The following DMD variants were observed in gnomAD, a reference collection of about 807,000 sequenced individuals.
DMD encodes dystrophin.
Under a neutral mutation model 330.1 loss-of-function variants are expected in DMD, and 63 were observed. The observed-to-expected ratio is 0.19, with a 90% CI of 0.16 to 0.24. The LOEUF (loss-of-function observed/expected upper bound fraction) is 0.24. Among genes scored for constraint, DMD ranks in the 10% least tolerant of loss-of-function variants. The pLI is 1.00. For missense variants in DMD, 3,344 were observed against 2,684.1 expected, an observed-to-expected ratio of 1.25 and a Z score of -5.43; for synonymous variants, 1,223 against 959.8, an observed-to-expected ratio of 1.27 and a Z score of -5.07.
At chrX:33,187,961 T>C (rs2050341893) in intron 1 of DMD, among the ~76,000 whole-genome samples, 2 of 111,641 alleles carry the variant, frequency 1.8e-5, no homozygotes, top group Admixed American at 9.6e-5. Context: ...TACTACATGG[T>C]CCTCTTATAC....
At chrX:32,075,030 A>G (rs1417575107) in intron 44 of DMD, among the ~76,000 whole-genome samples, 1 of 112,022 alleles carries the variant, frequency 8.9e-6, no homozygotes, top group East Asian at 2.8e-4. Flanking sequence ...TTAAGAGGAC[A>G]TTTGAATCGA....
intron 74 of DMD, among the ~76,000 whole-genome samples, chrX:31,149,033 T>G (rs373343974): frequency 8.9e-6 from 1 of 112,447 alleles, no homozygotes; most frequent in East Asian, 2.8e-4. Context: ...GTATGTTCTC[T>G]GCTTTTTATG....
chrX:32,109,243 A>ATT (rs750992132), intron 44 of DMD, among the ~76,000 whole-genome samples: 2 of 107,811 alleles, frequency 1.9e-5, no homozygotes, highest in African/African-American at 6.7e-5. Flanking sequence ...CTACAATACA[A>ATT]TTTTTTTTTT....
chrX:32,311,557 TA>T (rs2097562617), intron 41 of DMD, among the ~76,000 whole-genome samples: 1 of 111,789 alleles, frequency 8.9e-6, no homozygotes, highest in Admixed American at 9.5e-5. Context: ...AATTAGCTAT[TA>T]AATAATTATA....
rs2097067706 is a variant in DMD at position 32,206,110 on chromosome X, C to T, written c.6438+10806G>A. 1.4e-5 allele frequency: 7 copies of T among 518,317 alleles called. No individual in the cohort carries two copies. In the East Asian group the frequency reaches 2.5e-4, roughly 18 times the overall value. The allele number at this position is 518,317 out of a possible 1,213,427, so 42.7% of individuals were successfully genotyped here. A position where few individuals can be genotyped will look rare whatever the true frequency, so the allele number is the denominator to read the frequency against. On this transcript the variant is annotated intron_variant, in intron 44 of 78. Transcript: ENST00000357033. ...TACAAAGGCAGTCCAATTAAAGTAA[C>T]ACTGGCAGCTTTGAAAATGTCTGTA...
At chrX:31,582,322 A>G (rs977543772) in intron 55 of DMD, among the ~76,000 whole-genome samples, 1 of 111,420 alleles carries the variant, frequency 9.0e-6, no homozygotes, top group Admixed American at 9.6e-5. Flanking sequence ...TAAGGTGGAT[A>G]ATATCCAGGC....
In DMD at chrX:31,998,572, A is replaced by T. The variant is rs748369020; in HGVS notation, c.6439-30058T>A. On this transcript the variant is annotated intron_variant, in intron 44 of 78. Transcript: ENST00000357033. ...GTTAGAAAGGCTGATTTGTAAACAA[A>T]AATAAAAACAACACTTCAGTACCTC... Among the ~76,000 whole-genome samples, 6 of 112,003 alleles carry T rather than the reference A, an allele frequency of 5.4e-5. No individual in the cohort carries two copies. The East Asian group carries it at 1.4e-3, about 26-fold the overall frequency.
chrX:32,458,086 C>A (rs1343587771), intron 25 of DMD, among the ~76,000 whole-genome samples: 2 of 110,154 alleles, frequency 1.8e-5, no homozygotes, highest in Non-Finnish European at 3.8e-5. Flanking sequence ...GTATTAATAT[C>A]ATCACATTTT....
intron 47 of DMD, among the ~76,000 whole-genome samples, chrX:31,882,147 C>G (rs2094081250): frequency 8.9e-6 from 1 of 112,110 alleles, no homozygotes; most frequent in Non-Finnish European, 1.9e-5. Context: ...CTAAGAATAT[C>G]CAAGGCAACT....
At position 31,120,282 on chromosome X, in the gene DMD, GTTTATATA is replaced by G. The variant is rs2032168842; in HGVS notation, c.*1629_*1636del. On this transcript the variant is annotated 3_prime_UTR_variant, in exon 79 of 79. Coordinates refer to ENST00000357033, the MANE Select transcript of DMD (RefSeq NM_004006.3). Reference sequence around the variant, plus strand: ...TTTTTTGAGCAATTTTTGTTTGTTTGTTTATATATTTAACCTGTCTAATCCACCAAGAA... The same window carrying G: ...TTTTTTGAGCAATTTTTGTTTGTTTGTTTAACCTGTCTAATCCACCAAGAA... 1 of 111,644 alleles carries G rather than the reference GTTTATATA, an allele frequency of 9.0e-6. No individual in the cohort carries two copies. Among genetic ancestry groups the G allele is most frequent in the African/African-American group, 3.3e-5 (1 of 30,641 alleles). The allele number at this position is 111,644 out of a possible 1,213,427, so 9.2% of individuals were successfully genotyped here.
intron 29 of DMD, among the ~76,000 whole-genome samples, chrX:32,417,256 C>A (rs1329749238): frequency 4.5e-5 from 5 of 111,552 alleles, no homozygotes. Flanking sequence ...TCCACCATAC[C>A]CACTTATACT....
intron 2 of DMD, among the ~76,000 whole-genome samples, chrX:32,974,266 T>C (rs36075556): frequency 0.03 from 3,340 of 110,120 alleles, 89 homozygotes; most frequent in East Asian, 0.18. Context: ...CAACACAGAG[T>C]AGCGGTTGCC....
chrX:31,121,984 C>A (rs1340735192), intron 78 of DMD, 54 bp from the exon 79 acceptor site: 1 of 924,844 alleles, frequency 1.1e-6, no homozygotes, highest in Admixed American at 2.2e-5. Flanking sequence ...AGATAGATAG[C>A]ATCACTCTGT....
chrX:32,663,301 T>C (rs2061069076), intron 9 of DMD, among the ~76,000 whole-genome samples: 1 of 111,835 alleles, frequency 8.9e-6, no homozygotes, highest in Admixed American at 9.5e-5. Flanking sequence ...TAATGTGTTA[T>C]ATCCATTATT....
intron 21 of DMD, among the ~76,000 whole-genome samples, chrX:32,483,843 A>AAAAG (rs2042163543): frequency 9.4e-6 from 1 of 106,484 alleles, no homozygotes; most frequent in African/African-American, 3.4e-5. Flanking sequence ...AAAAAAAAAA[A>AAAAG]GTATTTATCC....
intron 44 of DMD, among the ~76,000 whole-genome samples, chrX:32,091,252 T>C (rs981275968): frequency 1.8e-5 from 2 of 112,301 alleles, no homozygotes; most frequent in Non-Finnish European, 3.8e-5. Context: ...ATTGAATTCT[T>C]ATTCCACACA....
At chrX:31,990,218 CT>C (rs777421783) in intron 44 of DMD, among the ~76,000 whole-genome samples, 2 of 112,044 alleles carry the variant, frequency 1.8e-5, no homozygotes, top group Non-Finnish European at 3.8e-5. Flanking sequence ...GACATTTTTA[CT>C]TTTTTTCAAC....
intron 6 of DMD, among the ~76,000 whole-genome samples, chrX:32,812,370 C>T (rs1438304644): frequency 4.4e-5 from 5 of 112,386 alleles, no homozygotes; most frequent in South Asian, 3.7e-4. Flanking sequence ...CAGTGGCTCC[C>T]GCCTATACTC....
At chrX:31,787,783 C>T (rs17330090) in intron 50 of DMD, among the ~76,000 whole-genome samples, 55 of 112,163 alleles carry the variant, frequency 4.9e-4, no homozygotes, top group Non-Finnish European at 8.3e-4. Context: ...AATAGTGGAA[C>T]TAGCTACATC....
Sources: gnomAD v4.1 joint callset for allele counts (sites outside exome capture counted in the v4.1 genomes callset) on GRCh38, gnomAD v4.1.1 for gene constraint, MANE v1.5 for transcripts, NCBI Gene and HGNC (gene_info 2026-07-23, HGNC 2026-07-21) for gene names.